The following DCDC1 variants were observed in gnomAD, a reference collection of about 807,000 sequenced individuals.
The protein encoded by DCDC1 is doublecortin domain containing 1.
In DCDC1, 200 loss-of-function variants were observed where a neutral mutation model predicts 178.3. The ratio of observed to expected loss-of-function variants is 1.12; its 90% confidence interval spans 1.00 to 1.26. The LOEUF (loss-of-function observed/expected upper bound fraction) is 1.26. DCDC1 is among the 50% of genes most tolerant of loss of function. The pLI is 0.00. For synonymous variants in DCDC1, 690 were observed against 604.8 expected (o/e 1.14, Z -2.07); for missense variants, 1,983 against 1,749.2 (o/e 1.13, Z -2.38).
At chr11:31,219,699 T>C (rs1346318539) in intron 9 of DCDC1, among the ~76,000 whole-genome samples, 1 of 152,148 alleles carries the variant, frequency 6.6e-6, no homozygotes, top group Non-Finnish European at 1.5e-5. Context: ...CAGGCAGTGA[T>C]TGGATATGAG....
chr11:31,133,536 T>C (rs1962721976), intron 10 of DCDC1, among the ~76,000 whole-genome samples: 1 of 152,194 alleles, frequency 6.6e-6, no homozygotes, highest in Non-Finnish European at 1.5e-5. Context: ...AACAGAACCC[T>C]AATTTGTTGA....
chr11:30,911,494 T>C, intron 27 of DCDC1, 74 bp from the exon 28 acceptor site: 1 of 1,136,292 alleles, frequency 8.8e-7, no homozygotes, highest in South Asian at 1.3e-5. Flanking sequence ...CACTTAGCAC[T>C]GTGTTGCCTC....
chr11:30,931,821 GT>G lies in DCDC1; in HGVS notation c.2846del (p.Asn949ThrfsTer23), dbSNP rs1368413291. Reference protein sequence around the residue: ...RVLQNGEKNKNRSVTILGPDI... With the variant: ...RVLQNGEKNKXRSVTILGPDI... ...CTGGACCAAGGATAGTAACGGATCTGTTTTTATTCTTCTCTCCATTCTGCAA... is the reference window on the plus strand; with the variant it reads ...CTGGACCAAGGATAGTAACGGATCTGTTTTATTCTTCTCTCCATTCTGCAA... On this transcript the variant is annotated frameshift_variant, in exon 22 of 39. Coordinates refer to ENST00000684477, the MANE Select transcript of DCDC1 (RefSeq NM_001387274.1). LOFTEE classifies it high-confidence loss of function. 2 of 1,612,918 alleles carry G rather than the reference GT, an allele frequency of 1.2e-6. No individual in the cohort carries two copies. Among genetic ancestry groups the G allele is most frequent in the South Asian group, 2.2e-5 (2 of 91,016 alleles).
chr11:31,126,537 T>A (rs956786911), intron 11 of DCDC1, among the ~76,000 whole-genome samples: 5 of 152,214 alleles, frequency 3.3e-5, no homozygotes, highest in Non-Finnish European at 5.9e-5. Context: ...GTTTCTAATG[T>A]TACTTGCAGA....
chr11:31,045,331 G>T (rs939471912), intron 20 of DCDC1, among the ~76,000 whole-genome samples: 2 of 151,622 alleles, frequency 1.3e-5, no homozygotes, highest in Non-Finnish European at 2.9e-5. Context: ...ACGTGACGGA[G>T]GGCAAAATCC....
chr11:30,993,506 A>C (rs1951095140), intron 20 of DCDC1, among the ~76,000 whole-genome samples: 1 of 152,144 alleles, frequency 6.6e-6, no homozygotes, highest in African/African-American at 2.4e-5. Flanking sequence ...ATTGAAAACC[A>C]ATGAACAACA....
At chr11:31,068,211 G>A (rs890974435) in intron 18 of DCDC1, among the ~76,000 whole-genome samples, 3 of 152,074 alleles carry the variant, frequency 2.0e-5, no homozygotes, top group African/African-American at 7.2e-5. Context: ...TATTAACTAT[G>A]TAATTATTTT....
At chr11:31,153,548 C>T (rs1276729827) in intron 9 of DCDC1, among the ~76,000 whole-genome samples, 3 of 151,976 alleles carry the variant, frequency 2.0e-5, no homozygotes, top group African/African-American at 7.3e-5. Context: ...TTTGGGAGGC[C>T]GAGGCGGGCG....
rs80179832 is a variant in DCDC1, at chr11:31,352,268, G to C, written c.-124-16704C>G. ...GTAAGGATTGACTAGTCTACCAGAG[G>C]AAAAACAATGAGAAACATCCTTATC... On this transcript the variant is annotated intron_variant, in intron 1 of 38. Coordinates refer to ENST00000684477, the MANE Select transcript of DCDC1 (RefSeq NM_001387274.1). Among the ~76,000 whole-genome samples, 1,384 of 152,128 alleles carry C rather than the reference G, an allele frequency of 9.1e-3. 12 individuals are homozygous for C. The highest frequency in any genetic ancestry group is 0.012 in the Non-Finnish European group (829 of 67,934).
chr11:31,166,061 T>C (rs1458343390), intron 9 of DCDC1, among the ~76,000 whole-genome samples: 1 of 152,236 alleles, frequency 6.6e-6, no homozygotes, highest in African/African-American at 2.4e-5. Context: ...ATAAATTTAG[T>C]ATCTACTGTA....
At chr11:30,942,884 C>T (rs1242439555) in intron 21 of DCDC1, among the ~76,000 whole-genome samples, 3 of 152,198 alleles carry the variant, frequency 2.0e-5, no homozygotes, top group Non-Finnish European at 4.4e-5. Context: ...CAAATGTTAA[C>T]TACTACTGTC....
At chr11:31,093,210 G>T (rs960346889) in intron 16 of DCDC1, among the ~76,000 whole-genome samples, 4 of 152,150 alleles carry the variant, frequency 2.6e-5, no homozygotes, top group Non-Finnish European at 4.4e-5. Flanking sequence ...TAAATAATAT[G>T]TCTTAGTACC....
At chr11:30,930,218 G>C (rs1403336261) in intron 22 of DCDC1, among the ~76,000 whole-genome samples, 3 of 152,066 alleles carry the variant, frequency 2.0e-5, no homozygotes, top group Non-Finnish European at 2.9e-5. Context: ...GCTTCTGCCT[G>C]GCACAACTCT....
intron 21 of DCDC1, among the ~76,000 whole-genome samples, chr11:30,934,065 T>C (rs1947108751): frequency 6.6e-6 from 1 of 152,194 alleles, no homozygotes; most frequent in Non-Finnish European, 1.5e-5. Flanking sequence ...CAAACTGGCT[T>C]ACCATCCCTT....
At chr11:31,100,204 T>A (rs922010837) in intron 15 of DCDC1, among the ~76,000 whole-genome samples, 1 of 152,204 alleles carries the variant, frequency 6.6e-6, no homozygotes, top group Non-Finnish European at 1.5e-5. Flanking sequence ...CAATCTGGCT[T>A]GGCTAACAGA....
chr11:31,039,737 T>G (rs1006448717), intron 20 of DCDC1, among the ~76,000 whole-genome samples: 13 of 152,132 alleles, frequency 8.5e-5, no homozygotes, highest in African/African-American at 3.1e-4. Context: ...TGCCATAAAA[T>G]TTTTACAGAA....
chr11:31,144,645 T>C (rs954923245), intron 9 of DCDC1, among the ~76,000 whole-genome samples: 2 of 152,324 alleles, frequency 1.3e-5, no homozygotes, highest in Middle Eastern at 3.4e-3. Context: ...GTTTGAATTA[T>C]TCTATTAGTA....
intron 38 of DCDC1, among the ~76,000 whole-genome samples, chr11:30,876,350 A>G (rs1045174373): frequency 6.6e-6 from 1 of 152,180 alleles, no homozygotes; most frequent in Non-Finnish European, 1.5e-5. Context: ...AGGTAGAGAA[A>G]CTGTTCCCCA....
Position 31,328,098 on chromosome 11 carries a change from G to T in DCDC1, c.164+19C>A. ...TCCCCTTCAGTATTTAGTTTAAGCT[G>T]CTGAAATAATGTTCTTACCTTGGTA... On this transcript the variant is annotated intron_variant, in intron 3 of 38. Transcript: ENST00000684477. 6.3e-7 allele frequency: 1 copy of T among 1,580,682 alleles called. No homozygotes were observed.
Sources: allele counts gnomAD v4.1 joint callset (sites outside exome capture counted in the v4.1 genomes callset), GRCh38; gene constraint gnomAD v4.1.1; transcripts MANE v1.5; gene names NCBI Gene and HGNC (gene_info 2026-07-23, HGNC 2026-07-21).